Variants in STAT4 observed in about 807,000 individuals in gnomAD.
The protein encoded by STAT4 is signal transducer and activator of transcription 4.
A neutral mutation model predicts 110.5 loss-of-function variants in STAT4; 42 were observed. That is an observed-to-expected ratio of 0.38 (90% CI 0.30 to 0.49). STAT4 has a LOEUF of 0.49. Among genes scored for constraint, STAT4 ranks in the 20% least tolerant of loss-of-function variants. The probability of loss-of-function intolerance (pLI) is 0.95; values close to 1 mark genes in which losing one functional copy is unlikely to be tolerated. For missense variants in STAT4, 632 were observed against 887.9 expected, an observed-to-expected ratio of 0.71 and a Z score of 3.66; for synonymous variants, 284 against 302.2, an observed-to-expected ratio of 0.94 and a Z score of 0.63.
intron 16 of STAT4, among the ~76,000 whole-genome samples, chr2:191,038,224 C>A (rs560615431): frequency 2.0e-5 from 3 of 152,070 alleles, no homozygotes; most frequent in African/African-American, 7.2e-5. Context: ...AAAGATCAGG[C>A]GATTTCTCTG....
At chr2:191,074,219 T>G (rs1697247277) in intron 4 of STAT4, among the ~76,000 whole-genome samples, 2 of 152,196 alleles carry the variant, frequency 1.3e-5, no homozygotes, top group Admixed American at 1.3e-4. Context: ...GTTCTATAAC[T>G]ATTAGAGATG....
chr2:191,061,671 T>C lies in STAT4; in HGVS notation c.1034+58A>G. The C allele has an allele frequency of 4.0e-6, 6 of 1,507,386 alleles. No homozygotes were observed. The highest frequency in any genetic ancestry group is 2.3e-5 in the East Asian group (1 of 44,318). The allele number at this position is 1,507,386 out of a possible 1,614,324, so 93.4% of individuals were successfully genotyped here. On this transcript the variant is annotated intron_variant, in intron 10 of 23. Transcript: ENST00000392320. The surrounding 1 kb of genome is among the most constrained non-coding windows in gnomAD (Gnocchi z 6.2). ...CCACAATGAGAGAAATTGGCCTTGA[T>C]CATCCAGAGACTATAGCTCCACAAA...
chr2:191,071,002 T>C (rs1298530382), intron 5 of STAT4, among the ~76,000 whole-genome samples: 2 of 152,160 alleles, frequency 1.3e-5, no homozygotes, highest in East Asian at 1.9e-4. Context: ...CCCTGTTATC[T>C]CATTCTCTTA....
At chr2:191,072,966 A>C in intron 5 of STAT4, 132 bp downstream of exon 5, 1 of 614,970 alleles carries the variant, frequency 1.6e-6, no homozygotes, top group Non-Finnish European at 2.8e-6. Flanking sequence ...ATAGTATGTG[A>C]GAGATATTTA....
intron 3 of STAT4, among the ~76,000 whole-genome samples, chr2:191,079,966 T>C (rs1697416703): frequency 6.6e-6 from 1 of 152,164 alleles, no homozygotes; most frequent in Admixed American, 6.6e-5. Context: ...AATTGTTTTG[T>C]TCAAATTTCT....
At chr2:191,054,246 G>T (rs867908749) in intron 14 of STAT4, among the ~76,000 whole-genome samples, 6 of 151,680 alleles carry the variant, frequency 4.0e-5, no homozygotes, top group Non-Finnish European at 8.8e-5. Flanking sequence ...AGACTGGAAT[G>T]ATGTATACCA....
Position 191,058,060 on chromosome 2 carries a change from T to G in STAT4, c.1164A>C (p.Glu388Asp). The G allele has an allele frequency of 1.2e-6, 2 of 1,614,122 alleles. No homozygotes were observed. The highest frequency in any genetic ancestry group is 1.7e-6 in the Non-Finnish European group (2 of 1,179,990). Residue 388 changes from glutamate to aspartate, a missense_variant, in exon 13 of 24, where the codon GAA becomes GAC. Glu to Asp is a conservative substitution (Grantham distance 45, BLOSUM62 2). Coordinates refer to ENST00000392320, the MANE Select transcript of STAT4 (RefSeq NM_003151.4). This position sits in a 1 kb window ranked among gnomAD's most constrained non-coding sequence, Gnocchi z 4.3. The part of the protein sequence containing the change: ...CGTNVKAMSI[E>D]ESSNGSLSVE... ...CTGAGAGACTCCCATTGGAAGATTC[T>G]TCAATAGACATGGCTTTGACATTAG... is the stretch of plus-strand genomic sequence containing the variant.
intron 13 of STAT4, among the ~76,000 whole-genome samples, chr2:191,057,194 TA>T (rs1696722312): frequency 6.6e-6 from 1 of 152,228 alleles, no homozygotes; most frequent in African/African-American, 2.4e-5. Flanking sequence ...TAGCCTCTGG[TA>T]ACTACCATTC....
Position 191,059,880 on chromosome 2 carries a change from T to A in STAT4, c.1035-1111A>T, listed in dbSNP as rs3024861. Among the ~76,000 whole-genome samples the A allele has an allele frequency of 0.57, 86,470 of 151,994 alleles. 28,622 individuals carry two copies. The highest frequency in any genetic ancestry group is 0.75 in the Non-Finnish European group (50,950 of 67,966). On this transcript the variant is annotated intron_variant, in intron 10 of 23. Transcript: ENST00000392320. This position sits in a 1 kb window ranked among gnomAD's most constrained non-coding sequence, Gnocchi z 4.7. ...CATAGTCACATAAAATCAGGCCAGA[T>A]GTTTTTCCTCTCCACCTTCCTTTTT... is the stretch of plus-strand genomic sequence containing the variant.
rs1698586563 is a variant in STAT4, at chr2:191,116,885, T to A, written c.273+29728A>T. Among the ~76,000 whole-genome samples, 2 of 152,222 alleles carry A rather than the reference T, an allele frequency of 1.3e-5. No homozygotes were observed. The highest frequency in any genetic ancestry group is 6.5e-5 in the Admixed American group (1 of 15,278). On this transcript the variant is annotated intron_variant, in intron 3 of 23. Transcript: ENST00000392320. This position sits in a 1 kb window ranked among gnomAD's most constrained non-coding sequence, Gnocchi z 4.1. ...GCTTGAGGTGGACAGTAAATAAATC[T>A]TTGGGAATCCATCGCTTCCACTAAG...
chr2:191,073,645 G>A (rs972297010), intron 4 of STAT4, among the ~76,000 whole-genome samples: 2 of 152,190 alleles, frequency 1.3e-5, no homozygotes, highest in Admixed American at 6.5e-5. Context: ...AGCTGAGATC[G>A]TGCCACTGCG....
chr2:191,111,168 A>G (rs1229521994), intron 3 of STAT4, among the ~76,000 whole-genome samples: 1 of 152,230 alleles, frequency 6.6e-6, no homozygotes, highest in Non-Finnish European at 1.5e-5. Context: ...CATGCATGCA[A>G]GAGTCAGGTT....
rs925677820 is a variant in STAT4, at chr2:191,060,904, T to C, written c.1034+825A>G. Among the ~76,000 whole-genome samples, 2 of 152,196 alleles carry C rather than the reference T, an allele frequency of 1.3e-5. No individual in the cohort carries two copies. Among genetic ancestry groups the C allele is most frequent in the Non-Finnish European group, 2.9e-5 (2 of 68,034 alleles). ...TGATATGTGATCAGCAACCTTATCA[T>C]AGAACCCTAAACTGCTCTGTACCAT... On this transcript the variant is annotated intron_variant, in intron 10 of 23. Transcript: ENST00000392320. The surrounding 1 kb of genome is among the most constrained non-coding windows in gnomAD (Gnocchi z 4.5).
At chr2:191,069,447 G>A (rs1232529873) in intron 6 of STAT4, among the ~76,000 whole-genome samples, 2 of 152,022 alleles carry the variant, frequency 1.3e-5, no homozygotes, top group Non-Finnish European at 2.9e-5. Flanking sequence ...TGAAATTTAT[G>A]TTGAATTTGT....
rs1699564003 is a variant in STAT4 at position 191,150,417 on chromosome 2, C to A, written c.-2+530G>T. On this transcript the variant is annotated intron_variant, in intron 1 of 23. Coordinates refer to ENST00000392320, the MANE Select transcript of STAT4 (RefSeq NM_003151.4). The surrounding 1 kb of genome is among the most constrained non-coding windows in gnomAD (Gnocchi z 6.4). ...TTTTTGCGTGCATTTCCTAGAAGAT[C>A]CCACTAAAGGGGCATTTTGTCCCAC... Among the ~76,000 whole-genome samples the A allele has an allele frequency of 1.3e-5, 2 of 152,192 alleles. No individual in the cohort carries two copies. Among genetic ancestry groups the A allele is most frequent in the Non-Finnish European group, 2.9e-5 (2 of 68,038 alleles).
In STAT4 at chr2:191,064,850, T is replaced by G; in HGVS notation, c.739A>C (p.Ile247Leu). 6.2e-7 allele frequency: 1 copy of G among 1,613,580 alleles called. No homozygotes were observed. The highest frequency in any genetic ancestry group is 8.5e-7 in the Non-Finnish European group (1 of 1,179,728). The change falls in exon 8 of 24, where the codon ATC becomes CTC. Residue 247 changes from isoleucine (I) to leucine (L), a missense_variant. This residue lies in a region of STAT4 where 488 missense variants were observed against 632.8 expected (regional missense o/e 0.77). Coordinates refer to ENST00000392320, the MANE Select transcript of STAT4 (RefSeq NM_003151.4). Reference protein sequence around the residue: ...DWKRRQQIACIGGPLHNGLDQ... With the variant: ...DWKRRQQIACLGGPLHNGLDQ... ...AGCCCATTGTGGAGTGGACCCCCGA[T>G]GCAGGCGATTTGCTGCCGCCGCTTC...
At chr2:191,134,844 A>G (rs1483012437) in intron 3 of STAT4, among the ~76,000 whole-genome samples, 1 of 152,246 alleles carries the variant, frequency 6.6e-6, no homozygotes, top group African/African-American at 2.4e-5. Context: ...GCATCAAGGA[A>G]GAAATTGAGG....
At chr2:191,115,637 A>G (rs2125374864) in intron 3 of STAT4, among the ~76,000 whole-genome samples, 1 of 152,280 alleles carries the variant, frequency 6.6e-6, no homozygotes, top group African/African-American at 2.4e-5. Flanking sequence ...GTCCTTAGTC[A>G]CCTATGACAA....
chr2:191,077,375 A>C lies in STAT4; in HGVS notation c.274-1050T>G, dbSNP rs1226891436. ...TTAATGGATAGAACTAATCTGAACAACACTATCAATTTAGTCAATAGTATT... is the reference window on the plus strand; with the variant it reads ...TTAATGGATAGAACTAATCTGAACACCACTATCAATTTAGTCAATAGTATT... On this transcript the variant is annotated intron_variant, in intron 3 of 23. Coordinates refer to ENST00000392320, the MANE Select transcript of STAT4 (RefSeq NM_003151.4). The surrounding 1 kb of genome is among the most constrained non-coding windows in gnomAD (Gnocchi z 4.1). Among the ~76,000 whole-genome samples the C allele has an allele frequency of 6.6e-6, 1 of 152,208 alleles. No individual in the cohort carries two copies. The highest frequency in any genetic ancestry group is 1.9e-4 in the East Asian group (1 of 5,202).
Sources: gnomAD v4.1 joint callset for allele counts (sites outside exome capture counted in the v4.1 genomes callset) on GRCh38, gnomAD v4.1.1 for gene constraint, gnomAD v4.1.1 regional missense constraint, Gnocchi (gnomAD v3.1) non-coding constraint, MANE v1.5 for transcripts, NCBI Gene and HGNC (gene_info 2026-07-23, HGNC 2026-07-21) for gene names.